The following PRDM10 variants were observed in gnomAD, a reference collection of about 807,000 sequenced individuals.
The protein encoded by PRDM10 is PR/SET domain 10, also known as PR domain zinc finger protein 10.
PRDM10 carries 65 observed loss-of-function variants against 133.1 expected under a neutral mutation model. That is an observed-to-expected ratio of 0.49 (90% confidence interval 0.40 to 0.60). The LOEUF (loss-of-function observed/expected upper bound fraction) is 0.60, where lower values mean the gene tolerates loss of function less well. Ranked by LOEUF, PRDM10 falls within the 20% of genes least tolerant of loss-of-function variation. The pLI, the probability that PRDM10 is intolerant of heterozygous loss-of-function variation, is 0.00. For synonymous variants in PRDM10, 582 were observed against 580.4 expected, an observed-to-expected ratio of 1.00 and a Z score of -0.04; for missense variants, 1,137 against 1,507.1, an observed-to-expected ratio of 0.75 and a Z score of 4.07.
chr11:129,915,853 T>C lies in PRDM10; in HGVS notation c.2333A>G (p.Lys778Arg). 6.2e-7 allele frequency: 1 copy of C among 1,613,700 alleles called. No homozygotes were observed. The highest frequency in any genetic ancestry group is 1.1e-5 in the South Asian group (1 of 91,046). The change falls in exon 16 of 21, where the codon AAA becomes AGA. Residue 778 changes from lysine to arginine, a missense_variant. Physicochemically the swap from Lys to Arg is conservative, Grantham distance 26. This residue lies in a region of PRDM10 where 65 missense variants were observed against 151.1 expected (regional missense o/e 0.43). Transcript: ENST00000360871. ...GTGGGCTTTGCGCTTGCTGGCACTTTTATAAACCTGCAAATGTAAGCGCCT... is the reference window on the plus strand; with the variant it reads ...GTGGGCTTTGCGCTTGCTGGCACTTCTATAAACCTGCAAATGTAAGCGCCT... ...YFCQYCDKVYKSASKRKAHIL... is the reference protein window; with the variant it reads ...YFCQYCDKVYRSASKRKAHIL...
chr11:129,907,985 T>C (rs778719217), intron 19 of PRDM10, among the ~76,000 whole-genome samples: 22 of 150,288 alleles, frequency 1.5e-4, no homozygotes, highest in Non-Finnish European at 2.7e-4. Context: ...CCTGTAGTCC[T>C]AGCTACTGGG....
At chr11:129,998,635 G>T (rs1441217242) in intron 1 of PRDM10, among the ~76,000 whole-genome samples, 2 of 151,852 alleles carry the variant, frequency 1.3e-5, no homozygotes, top group African/African-American at 4.8e-5. Flanking sequence ...TTCCTCACCC[G>T]CTCCCCATTC....
intron 16 of PRDM10, among the ~76,000 whole-genome samples, chr11:129,915,368 C>T (rs1950324203): frequency 6.6e-6 from 1 of 152,166 alleles, no homozygotes; most frequent in Non-Finnish European, 1.5e-5. Context: ...AGCCTGAACT[C>T]ACCAACTGCA....
intron 10 of PRDM10, among the ~76,000 whole-genome samples, chr11:129,931,501 C>T (rs1950855740): frequency 2.0e-5 from 3 of 152,178 alleles, no homozygotes; most frequent in Admixed American, 2.0e-4. Flanking sequence ...ATTGTTTAAA[C>T]TAATTAAACA....
intron 7 of PRDM10, among the ~76,000 whole-genome samples, chr11:129,941,731 G>A (rs949890082): frequency 3.3e-5 from 5 of 152,150 alleles, no homozygotes; most frequent in Non-Finnish European, 4.4e-5. Context: ...AAATAGGCAC[G>A]GTGTTAGATA....
chr11:129,902,889 A>C (rs1435916966), intron 20 of PRDM10, among the ~76,000 whole-genome samples: 1 of 151,142 alleles, frequency 6.6e-6, no homozygotes, highest in Admixed American at 6.6e-5. Context: ...GAATGGATCC[A>C]AGAAGAGATA....
intron 1 of PRDM10, among the ~76,000 whole-genome samples, chr11:129,995,022 C>A (rs996073104): frequency 3.3e-5 from 5 of 152,202 alleles, no homozygotes; most frequent in African/African-American, 1.2e-4. Flanking sequence ...GACATAATTT[C>A]ATTTTAATTC....
chr11:129,996,630 C>T (rs535263260), intron 1 of PRDM10, among the ~76,000 whole-genome samples: 135 of 152,056 alleles, frequency 8.9e-4, no homozygotes, highest in African/African-American at 2.1e-3. Flanking sequence ...AGGATTCTGG[C>T]GGGCAGAACT....
At chr11:129,917,719 G>A (rs1469740710) in intron 14 of PRDM10, among the ~76,000 whole-genome samples, 1 of 152,228 alleles carries the variant, frequency 6.6e-6, no homozygotes, top group Non-Finnish European at 1.5e-5. Context: ...GTCAAAATGA[G>A]TTGAGAGCAG....
chr11:129,934,717 T>G (rs957617306), intron 9 of PRDM10, among the ~76,000 whole-genome samples: 1 of 152,216 alleles, frequency 6.6e-6, no homozygotes. Context: ...TCATCTGTCT[T>G]TTTTATATAG....
chr11:129,904,845 A>G (rs1391455803), intron 20 of PRDM10, among the ~76,000 whole-genome samples: 2 of 152,226 alleles, frequency 1.3e-5, no homozygotes, highest in Non-Finnish European at 2.9e-5. Context: ...GTCTTCTAAT[A>G]ACTTAAGAGG....
At chr11:129,997,713 G>A (rs1939136658) in intron 1 of PRDM10, among the ~76,000 whole-genome samples, 1 of 152,106 alleles carries the variant, frequency 6.6e-6, no homozygotes, top group Admixed American at 6.6e-5. Flanking sequence ...ATTATGCTTA[G>A]CTCAACTTTT....
intron 1 of PRDM10, among the ~76,000 whole-genome samples, chr11:130,002,323 G>C (rs1421577854): frequency 6.6e-6 from 1 of 151,844 alleles, no homozygotes; most frequent in Non-Finnish European, 1.5e-5. Context: ...GAGCCACTCG[G>C]GGGTCGCAGG....
intron 1 of PRDM10, among the ~76,000 whole-genome samples, chr11:129,992,882 A>C (rs1030748760): frequency 1.9e-4 from 29 of 152,258 alleles, no homozygotes; most frequent in Non-Finnish European, 3.2e-4. Context: ...AAACAAAGCT[A>C]CCTGTGTGTT....
chr11:129,949,776 C>CA (rs1027688359), intron 4 of PRDM10, among the ~76,000 whole-genome samples: 6 of 151,302 alleles, frequency 4.0e-5, no homozygotes, highest in African/African-American at 9.7e-5. Flanking sequence ...ACTAAAAATA[C>CA]AAAAAAAAGT....
rs374643047 is a variant in PRDM10 at position 129,947,274 on chromosome 11, C to G, written c.391G>C (p.Glu131Gln). 63 of 1,614,150 alleles carry G rather than the reference C, an allele frequency of 3.9e-5. No homozygotes were observed. Among genetic ancestry groups the G allele is most frequent in the East Asian group, 1.1e-4 (5 of 44,866 alleles). ...TCCTCATCCTCTTCCTCTTTGGCCT[C>G]CAGTCTGCCTAGAGGGGTCTGCAGA... ...ATLQTPLGRL[E>Q]AKEEEDEDED... Residue 131 changes from glutamate (E) to glutamine (Q), a missense_variant, in exon 5 of 21, where the codon GAG (glutamate) becomes CAG (glutamine). Physicochemically the swap from Glu to Gln is conservative, Grantham distance 29 (BLOSUM62 2). Coordinates refer to ENST00000360871, the MANE Select transcript of PRDM10 (RefSeq NM_199437.2). This position sits in a 1 kb window ranked among gnomAD's most constrained non-coding sequence, Gnocchi z 4.6.
chr11:129,984,490 G>A lies in PRDM10; in HGVS notation c.-119+18232C>T, dbSNP rs551081263. Among the ~76,000 whole-genome samples, 121 of 152,064 alleles carry A rather than the reference G, an allele frequency of 8.0e-4. 1 individual carries two copies. The highest frequency in any genetic ancestry group is 2.8e-3 in the African/African-American group (118 of 41,478). ...AGCGCGGCCTGCAGTCCAGCCCCAC[G>A]GCCTCACTGTCCCCTCCCTGCCTCG... On this transcript the variant is annotated intron_variant, in intron 1 of 20. Coordinates refer to ENST00000360871, the MANE Select transcript of PRDM10 (RefSeq NM_199437.2).
At chr11:129,944,731 G>A in intron 6 of PRDM10, 40 bp downstream of exon 6, 1 of 1,608,924 alleles carries the variant, frequency 6.2e-7, no homozygotes, top group Non-Finnish European at 8.5e-7. Context: ...TTCAAACACT[G>A]GTAAAGGACA....
At position 129,945,644 on chromosome 11, in the gene PRDM10, G is replaced by A. The variant is rs956677082; in HGVS notation, c.521-632C>T. On this transcript the variant is annotated intron_variant, in intron 5 of 20. Coordinates refer to ENST00000360871, the MANE Select transcript of PRDM10 (RefSeq NM_199437.2). The surrounding 1 kb of genome is among the most constrained non-coding windows in gnomAD (Gnocchi z 4.2). Reference sequence around the variant, plus strand: ...TTTTCCGCCCATTCCAAGAGCACTCGGTTTGCACCAGTCCGGCCACACGCC... The same window carrying A: ...TTTTCCGCCCATTCCAAGAGCACTCAGTTTGCACCAGTCCGGCCACACGCC... Among the ~76,000 whole-genome samples the A allele has an allele frequency of 8.5e-5, 13 of 152,068 alleles. No homozygotes were observed. Among genetic ancestry groups the A allele is most frequent in the Admixed American group, 2.6e-4 (4 of 15,264 alleles).
Sources: allele counts gnomAD v4.1 joint callset (sites outside exome capture counted in the v4.1 genomes callset), GRCh38; gene constraint gnomAD v4.1.1; regional missense constraint gnomAD v4.1.1; non-coding constraint Gnocchi (gnomAD v3.1); transcripts MANE v1.5; gene names NCBI Gene and HGNC (gene_info 2026-07-23, HGNC 2026-07-21).